Variants in GLDN observed in about 807,000 individuals in gnomAD.
GLDN encodes the protein collomin.
Under a neutral mutation model 56.5 loss-of-function variants are expected in GLDN, and 47 were observed. That is an observed-to-expected ratio of 0.83 (90% CI 0.66 to 1.06). The LOEUF (loss-of-function observed/expected upper bound fraction) is 1.06, where lower values mean the gene tolerates loss of function less well. Ranked by LOEUF, GLDN falls within the 50% of genes least tolerant of loss-of-function variation. The pLI is 0.00. For missense variants in GLDN, 782 were observed against 714.3 expected (o/e 1.09, Z -1.08); for synonymous variants, 332 against 278.8 (o/e 1.19, Z -1.90).
At chr15:51,345,525 G>A (rs1175205899) in intron 1 of GLDN, among the ~76,000 whole-genome samples, 3 of 152,156 alleles carry the variant, frequency 2.0e-5, no homozygotes, top group African/African-American at 7.2e-5. Context: ...ATGATGAAAA[G>A]GCATTTGATA....
At chr15:51,395,768 A>AG (rs397822752) in intron 5 of GLDN, among the ~76,000 whole-genome samples, 4 of 151,696 alleles carry the variant, frequency 2.6e-5, no homozygotes, top group African/African-American at 9.7e-5. Flanking sequence ...ATTTAAAAAA[A>AG]GGTTTAATTG....
At chr15:51,349,491 T>G (rs2037036836) in intron 1 of GLDN, among the ~76,000 whole-genome samples, 1 of 152,238 alleles carries the variant, frequency 6.6e-6, no homozygotes, top group Non-Finnish European at 1.5e-5. Flanking sequence ...ATAATAATAT[T>G]GTGTGACATG....
intron 4 of GLDN, chr15:51,384,179 G>T: frequency 2.4e-6 from 1 of 409,888 alleles, no homozygotes. Context: ...CCACAGCCCT[G>T]GGAGGGGCAT....
intron 1 of GLDN, among the ~76,000 whole-genome samples, chr15:51,354,954 T>C (rs2037146232): frequency 6.6e-6 from 1 of 152,128 alleles, no homozygotes; most frequent in Non-Finnish European, 1.5e-5. Flanking sequence ...GCTAAGATAA[T>C]GGCATTGGAA....
intron 1 of GLDN, among the ~76,000 whole-genome samples, chr15:51,373,359 A>G (rs532179362): frequency 6.6e-5 from 10 of 152,334 alleles, no homozygotes; most frequent in African/African-American, 2.4e-4. Context: ...AGAGTTTCGC[A>G]TCCCTCAAAT....
At chr15:51,377,608 G>T in intron 2 of GLDN, 108 bp downstream of exon 2, 1 of 733,586 alleles carries the variant, frequency 1.4e-6, no homozygotes, top group Non-Finnish European at 2.2e-6. Flanking sequence ...ATACATGTTG[G>T]TTTACTTTTA....
rs2037625804 is a variant in GLDN at position 51,376,117 on chromosome 15, C to T, written c.364-1332C>T. 2.0e-5 allele frequency among the ~76,000 whole-genome samples: 3 copies of T among 152,194 alleles called. No individual in the cohort carries two copies. The South Asian group carries it at 6.2e-4, about 32-fold the overall frequency. On this transcript the variant is annotated intron_variant, in intron 1 of 9. Coordinates refer to ENST00000335449, the MANE Select transcript of GLDN (RefSeq NM_181789.4). ...ACTACAGTCATATGTCATGTAACCA[C>T]ATGGATACATTCTAAGAAATACGTC...
chr15:51,368,512 C>T (rs917921333), intron 1 of GLDN, among the ~76,000 whole-genome samples: 21 of 151,696 alleles, frequency 1.4e-4, no homozygotes, highest in Admixed American at 1.2e-3. Context: ...TAAATGCCTG[C>T]GGCCCAACAC....
chr15:51,404,356 A>G lies in GLDN; in HGVS notation c.1258A>G (p.Asn420Asp). The G allele has an allele frequency of 6.2e-7, 1 of 1,613,138 alleles. No homozygotes were observed. The highest frequency in any genetic ancestry group is 8.5e-7 in the Non-Finnish European group (1 of 1,179,780). Residue 420 changes from asparagine to aspartate, a missense_variant, in exon 10 of 10, where the codon AAT (asparagine) becomes GAT (aspartate). Transcript: ENST00000335449. ...TTTTGATCGAAAATACCTTTTTGCA[A>G]ATTCCAAAACTTACTTCAATCTAGC... ...LYFDRKYLFA[N>D]SKTYFNLAVD...
At chr15:51,389,564 AG>A (rs2037971416) in intron 4 of GLDN, among the ~76,000 whole-genome samples, 1 of 152,202 alleles carries the variant, frequency 6.6e-6, no homozygotes, top group Non-Finnish European at 1.5e-5. Context: ...CTATTTGCAG[AG>A]GATGGATTGT....
In GLDN at chr15:51,356,205, C is replaced by CAAA. The variant is rs368789885; in HGVS notation, c.363+14171_363+14173dup. ...TGGGGAACAGAGTGAGACTCTGTCT[C>CAAA]AAAAAAAAAAAAAAAGAATACCTAA... On this transcript the variant is annotated intron_variant, in intron 1 of 9. Transcript: ENST00000335449. Among the ~76,000 whole-genome samples, 571 of 119,078 alleles carry CAAA rather than the reference C, an allele frequency of 4.8e-3. 1 individual carries two copies. The highest frequency in any genetic ancestry group is 0.016 in the African/African-American group (549 of 33,898). 78.1% of individuals were successfully genotyped at this position (119,078 alleles called of 152,430 possible). A position where few individuals can be genotyped will look rare whatever the true frequency, so the allele number is the denominator to read the frequency against.
intron 2 of GLDN, 76 bp downstream of exon 2, chr15:51,377,576 C>T (rs1345259341): frequency 1.9e-6 from 2 of 1,042,740 alleles, no homozygotes; most frequent in Non-Finnish European, 2.9e-6. Flanking sequence ...GAATGAACGC[C>T]TAGGGACACT....
intron 1 of GLDN, among the ~76,000 whole-genome samples, chr15:51,365,318 C>A (rs923669601): frequency 6.6e-6 from 1 of 151,630 alleles, no homozygotes; most frequent in Non-Finnish European, 1.5e-5. Flanking sequence ...TTAATCTTTT[C>A]TTTACTAATT....
At chr15:51,356,025 G>C (rs1331496160) in intron 1 of GLDN, among the ~76,000 whole-genome samples, 1 of 149,810 alleles carries the variant, frequency 6.7e-6, no homozygotes, top group Admixed American at 6.6e-5. Flanking sequence ...GGCTAACATG[G>C]TGAAACCCCG....
chr15:51,382,469 T>A (rs1478880560), intron 2 of GLDN, among the ~76,000 whole-genome samples: 1 of 152,038 alleles, frequency 6.6e-6, no homozygotes, highest in Non-Finnish European at 1.5e-5. Context: ...TGGTAATCAT[T>A]ATATGTGGTC....
chr15:51,356,308 A>C (rs1265254193), intron 1 of GLDN, among the ~76,000 whole-genome samples: 1 of 152,112 alleles, frequency 6.6e-6, no homozygotes, highest in African/African-American at 2.4e-5. Context: ...CACTCTGGTT[A>C]GAACACCTCT....
At chr15:51,344,198 C>G (rs773331126) in intron 1 of GLDN, among the ~76,000 whole-genome samples, 2 of 152,108 alleles carry the variant, frequency 1.3e-5, no homozygotes, top group Admixed American at 6.5e-5. Flanking sequence ...ATGCCTGAAT[C>G]CCATCCCCAG....
At chr15:51,348,202 G>T (rs2037012407) in intron 1 of GLDN, among the ~76,000 whole-genome samples, 1 of 152,142 alleles carries the variant, frequency 6.6e-6, no homozygotes, top group African/African-American at 2.4e-5. Flanking sequence ...CCCACCTGAG[G>T]TTCATCTGCC....
chr15:51,389,397 T>C (rs2037967933), intron 4 of GLDN, among the ~76,000 whole-genome samples: 1 of 152,174 alleles, frequency 6.6e-6, no homozygotes, highest in Non-Finnish European at 1.5e-5. Context: ...TACAATCCAG[T>C]TGAAAGAGAA....
Sources: gnomAD v4.1 joint callset for allele counts (sites outside exome capture counted in the v4.1 genomes callset) on GRCh38, gnomAD v4.1.1 for gene constraint, MANE v1.5 for transcripts, NCBI Gene and HGNC (gene_info 2026-07-23, HGNC 2026-07-21) for gene names.